EMC2: variants seen among roughly 807,000 people sequenced by gnomAD.
EMC2 encodes the protein TPR repeat protein 35.
In EMC2, 37 loss-of-function variants were observed where a neutral mutation model predicts 51.6. The observed-to-expected ratio is 0.72, with a 90% CI of 0.55 to 0.94. The LOEUF (loss-of-function observed/expected upper bound fraction) is 0.94, where lower values mean the gene tolerates loss of function less well. Ranked by LOEUF, EMC2 falls within the 40% of genes least tolerant of loss-of-function variation. The pLI, the probability that EMC2 is intolerant of heterozygous loss-of-function variation, is 0.00. For missense variants in EMC2, 359 were observed against 350.9 expected (o/e 1.02, Z -0.18); for synonymous variants, 131 against 112.4 (o/e 1.17, Z -1.04).
chr8:108,453,410 G>T (rs1053343575), intron 4 of EMC2, among the ~76,000 whole-genome samples: 1 of 152,040 alleles, frequency 6.6e-6, no homozygotes, highest in Non-Finnish European at 1.5e-5. Flanking sequence ...TGATTTGTAG[G>T]AGGTCTTTAT....
chr8:108,462,177 C>T (rs182304147), intron 5 of EMC2, among the ~76,000 whole-genome samples: 26 of 150,284 alleles, frequency 1.7e-4, no homozygotes, highest in Non-Finnish European at 2.7e-4. Flanking sequence ...TAGGCCTGCG[C>T]GTGTGTGTGT....
In EMC2 at chr8:108,479,005, G is replaced by T; in HGVS notation, c.703-1G>T. On this transcript the variant is annotated splice_acceptor_variant, in intron 9 of 10. Coordinates refer to ENST00000220853, the MANE Select transcript of EMC2 (RefSeq NM_014673.5). LOFTEE classifies it high-confidence loss of function. The stretch of plus-strand genomic sequence containing the variant: ...CTTTTGATGTTTTTATTTGTTTTTA[G>T]TCGGCAAGTCATATTGCTTCTAATC... 6.5e-7 allele frequency: 1 copy of T among 1,537,948 alleles called. No homozygotes were observed. The highest frequency in any genetic ancestry group is 8.7e-7 in the Non-Finnish European group (1 of 1,142,886).
intron 5 of EMC2, among the ~76,000 whole-genome samples, chr8:108,462,235 C>T (rs1257679404): frequency 3.3e-5 from 1 of 30,548 alleles, no homozygotes; most frequent in South Asian, 1.4e-3. Flanking sequence ...GTGTGTATTC[C>T]TCTGACAGGG....
At chr8:108,450,154 A>G (rs1818981562) in intron 2 of EMC2, among the ~76,000 whole-genome samples, 1 of 152,188 alleles carries the variant, frequency 6.6e-6, no homozygotes, top group Non-Finnish European at 1.5e-5. Context: ...TAAAGCTCAC[A>G]GGGCTGCCAA....
intron 9 of EMC2, among the ~76,000 whole-genome samples, chr8:108,478,384 G>A (rs1221229305): frequency 3.3e-5 from 5 of 151,936 alleles, no homozygotes; most frequent in Non-Finnish European, 5.9e-5. Context: ...AAATTGCAGG[G>A]ACTAATTAGT....
chr8:108,452,994 T>C (rs1329422689), intron 3 of EMC2, 68 bp from the exon 4 acceptor site: 13 of 732,866 alleles, frequency 1.8e-5, no homozygotes, highest in Non-Finnish European at 2.9e-5. Context: ...TTGAAGACTA[T>C]ATAGGCCATC....
At chr8:108,453,871 T>G (rs886553515) in intron 4 of EMC2, among the ~76,000 whole-genome samples, 1 of 152,120 alleles carries the variant, frequency 6.6e-6, no homozygotes, top group Non-Finnish European at 1.5e-5. Flanking sequence ...GTTCTATTAG[T>G]TTTTGCCTCA....
chr8:108,469,780 C>T, intron 5 of EMC2, 46 bp from the exon 6 acceptor site: 2 of 1,501,274 alleles, frequency 1.3e-6, no homozygotes, highest in Non-Finnish European at 1.8e-6. Context: ...TTACAAAACC[C>T]CAAGGAATCA....
At chr8:108,458,113 C>G (rs1174630235) in intron 5 of EMC2, among the ~76,000 whole-genome samples, 1 of 152,220 alleles carries the variant, frequency 6.6e-6, no homozygotes, top group South Asian at 2.1e-4. Context: ...TCTCCTTTGA[C>G]TCCATGTCTC....
intron 9 of EMC2, among the ~76,000 whole-genome samples, chr8:108,478,651 A>G (rs1810988998): frequency 1.3e-5 from 2 of 151,986 alleles, no homozygotes; most frequent in East Asian, 1.9e-4. Flanking sequence ...AAATAACACC[A>G]GTAATATCCT....
Position 108,469,846 on chromosome 8 carries a change from T to C in EMC2, c.384T>C (p.Ile128=). 1 of 1,613,480 alleles carries C rather than the reference T, an allele frequency of 6.2e-7. No individual in the cohort carries two copies. The highest frequency in any genetic ancestry group is 1.3e-5 in the African/African-American group (1 of 75,038). Residue 128 remains isoleucine (I), a synonymous_variant, in exon 6 of 11, where the codon ATT becomes ATC. Coordinates refer to ENST00000220853, the MANE Select transcript of EMC2 (RefSeq NM_014673.5). ...CACAGGCTGCAAGAAAGCGTAAGAT[T>C]GCCATTCGAAAAGCCCAGGGGAAAA... ...PTNTAARKRK[I]AIRKAQGKNV...
chr8:108,456,329 T>G (rs1306886746), intron 5 of EMC2, among the ~76,000 whole-genome samples: 1 of 108,176 alleles, frequency 9.2e-6, no homozygotes, highest in African/African-American at 4.3e-5. Flanking sequence ...CAAGACTTCG[T>G]GTCAAAAAAA....
intron 7 of EMC2, among the ~76,000 whole-genome samples, chr8:108,470,396 A>G (rs368858182): frequency 1.1e-4 from 16 of 152,218 alleles, no homozygotes; most frequent in African/African-American, 3.9e-4. Context: ...TTCTTTGGAA[A>G]TAAAAAGGCC....
At chr8:108,450,519 T>C in intron 3 of EMC2, 27 bp downstream of exon 3, 1 of 1,321,958 alleles carries the variant, frequency 7.6e-7, no homozygotes, top group Non-Finnish European at 1.1e-6. Flanking sequence ...AGTATATATT[T>C]AATTTGCTTC....
chr8:108,455,108 G>A (rs1207809294), intron 4 of EMC2, among the ~76,000 whole-genome samples: 1 of 151,708 alleles, frequency 6.6e-6, no homozygotes, highest in Non-Finnish European at 1.5e-5. Flanking sequence ...CTGTAGTTTT[G>A]TGTCTATCAT....
chr8:108,475,637 A>T (rs1810933258), intron 7 of EMC2: 2 of 384,728 alleles, frequency 5.2e-6, no homozygotes, highest in Non-Finnish European at 9.3e-6. Flanking sequence ...GAAATGTAGT[A>T]TCTATTGATT....
At chr8:108,448,219 A>G (rs1006141709) in intron 1 of EMC2, among the ~76,000 whole-genome samples, 18 of 152,184 alleles carry the variant, frequency 1.2e-4, no homozygotes, top group Non-Finnish European at 2.9e-5. Flanking sequence ...TAAAGGTAAT[A>G]TTATCTCTAT....
chr8:108,451,202 CAA>C (rs1045374921), intron 3 of EMC2, among the ~76,000 whole-genome samples: 38 of 81,348 alleles, frequency 4.7e-4, no homozygotes, highest in African/African-American at 1.9e-3. Flanking sequence ...GACTCTGTCT[CAA>C]AAAAAAAAAA....
intron 5 of EMC2, among the ~76,000 whole-genome samples, chr8:108,459,092 C>G (rs775956048): frequency 1.3e-5 from 2 of 152,196 alleles, no homozygotes; most frequent in African/African-American, 4.8e-5. Context: ...CACTTTTGCT[C>G]CAGTTTCCAA....
Sources: gnomAD v4.1 joint callset for allele counts (sites outside exome capture counted in the v4.1 genomes callset) on GRCh38, gnomAD v4.1.1 for gene constraint, MANE v1.5 for transcripts, NCBI Gene and HGNC (gene_info 2026-07-23, HGNC 2026-07-21) for gene names.